VPS13B: variants seen among roughly 807,000 people sequenced by gnomAD.
The protein encoded by VPS13B is intermembrane lipid transfer protein VPS13B.
In VPS13B, 285 loss-of-function variants were observed where a neutral mutation model predicts 426.4. The ratio of observed to expected loss-of-function variants is 0.67; its 90% CI spans 0.61 to 0.74. The LOEUF (loss-of-function observed/expected upper bound fraction) is 0.74. VPS13B is among the 30% of genes least tolerant of loss of function. The pLI, the probability that VPS13B is intolerant of heterozygous loss-of-function variation, is 0.00. For synonymous variants in VPS13B, 1,676 were observed against 1,676.4 expected, an observed-to-expected ratio of 1.00 and a Z score of 0.01; for missense variants, 4,537 against 4,782.6, an observed-to-expected ratio of 0.95 and a Z score of 1.51.
intron 23 of VPS13B, among the ~76,000 whole-genome samples, chr8:99,447,679 T>C (rs906412592): frequency 6.6e-6 from 1 of 152,160 alleles, no homozygotes; most frequent in African/African-American, 2.4e-5. Context: ...AAGATATCAT[T>C]TGGTGTGTGT....
At chr8:99,854,476 A>T (rs182958858) in intron 56 of VPS13B, among the ~76,000 whole-genome samples, 3 of 152,148 alleles carry the variant, frequency 2.0e-5, no homozygotes, top group Non-Finnish European at 4.4e-5. Context: ...CCATTTCCTC[A>T]TCGATAAAAT....
chr8:99,392,053 A>T (rs1814477702), intron 21 of VPS13B, among the ~76,000 whole-genome samples: 3 of 152,188 alleles, frequency 2.0e-5, no homozygotes, highest in Admixed American at 2.0e-4. Flanking sequence ...CAGAAGCAGG[A>T]TCGTATTTCT....
At chr8:99,442,206 A>G (rs1457635250) in intron 22 of VPS13B, among the ~76,000 whole-genome samples, 195 bp from the exon 23 acceptor site, 1 of 152,170 alleles carries the variant, frequency 6.6e-6, no homozygotes, top group Non-Finnish European at 1.5e-5. Context: ...GTCACTAGGC[A>G]TTTTGTATCA....
At chr8:99,701,071 T>G (rs1176775209) in intron 36 of VPS13B, among the ~76,000 whole-genome samples, 1 of 152,204 alleles carries the variant, frequency 6.6e-6, no homozygotes, top group Non-Finnish European at 1.5e-5. Context: ...GGAAAAGTTT[T>G]ATAGTTGAGA....
At chr8:99,213,146 G>A (rs1303874860) in intron 17 of VPS13B, among the ~76,000 whole-genome samples, 2 of 152,082 alleles carry the variant, frequency 1.3e-5, no homozygotes, top group Non-Finnish European at 2.9e-5. Context: ...GGGTAATATG[G>A]CGTGTGTTTT....
At chr8:99,359,266 G>C (rs1812365087) in intron 19 of VPS13B, among the ~76,000 whole-genome samples, 1 of 152,026 alleles carries the variant, frequency 6.6e-6, no homozygotes, top group African/African-American at 2.4e-5. Context: ...TTTTATAACA[G>C]AGTATTTTCT....
intron 44 of VPS13B, 150 bp downstream of exon 44, chr8:99,809,680 C>G: frequency 3.2e-6 from 3 of 943,916 alleles, no homozygotes; most frequent in Admixed American, 4.5e-5. Flanking sequence ...AAATGCTTAT[C>G]TATGATCCTG....
intron 8 of VPS13B, among the ~76,000 whole-genome samples, chr8:99,123,174 G>A (rs1848035426): frequency 6.6e-6 from 1 of 150,704 alleles, no homozygotes; most frequent in Non-Finnish European, 1.5e-5. Flanking sequence ...GTGGGAAGAG[G>A]AATAGTGAGT....
intron 34 of VPS13B, among the ~76,000 whole-genome samples, chr8:99,648,962 C>G (rs1484871200): frequency 6.8e-6 from 1 of 146,016 alleles, no homozygotes; most frequent in Non-Finnish European, 1.5e-5. Context: ...TTTTTTTTTT[C>G]TCTCATTCCT....
intron 19 of VPS13B, among the ~76,000 whole-genome samples, chr8:99,315,339 T>C (rs1344025539): frequency 1.4e-3 from 8 of 5,790 alleles, no homozygotes; most frequent in African/African-American, 7.9e-3. Flanking sequence ...CTCTCTCTCT[T>C]TTTTTTTTTT....
intron 31 of VPS13B, among the ~76,000 whole-genome samples, chr8:99,559,258 A>AT (rs1184609142): frequency 1.3e-5 from 2 of 151,830 alleles, no homozygotes; most frequent in Admixed American, 1.3e-4. Flanking sequence ...GGGTTATTTG[A>AT]TTTTTTGTTG....
chr8:99,791,882 G>A (rs1324403105), intron 43 of VPS13B, among the ~76,000 whole-genome samples: 2 of 152,040 alleles, frequency 1.3e-5, no homozygotes, highest in Admixed American at 6.5e-5. Flanking sequence ...GCACAGGGGT[G>A]GCCTATCATC....
intron 40 of VPS13B, among the ~76,000 whole-genome samples, chr8:99,776,231 T>A (rs1008235716): frequency 1.3e-5 from 2 of 152,178 alleles, no homozygotes; most frequent in Non-Finnish European, 2.9e-5. Context: ...CCCGTAAGTT[T>A]TGTGAGATGT....
intron 3 of VPS13B, among the ~76,000 whole-genome samples, chr8:99,087,490 G>A (rs577959190): frequency 6.6e-6 from 1 of 151,932 alleles, no homozygotes; most frequent in African/African-American, 2.4e-5. Flanking sequence ...ACACTCCCCA[G>A]TGAGATGAAC....
At chr8:99,746,382 A>G (rs868743293) in intron 39 of VPS13B, among the ~76,000 whole-genome samples, 7 of 152,166 alleles carry the variant, frequency 4.6e-5, no homozygotes, top group South Asian at 4.1e-4. Flanking sequence ...AATATTTTAC[A>G]TGTGGTTTTA....
At chr8:99,325,246 C>T (rs1212125419) in intron 19 of VPS13B, among the ~76,000 whole-genome samples, 4 of 152,186 alleles carry the variant, frequency 2.6e-5, no homozygotes, top group South Asian at 2.1e-4. Flanking sequence ...CCACTGTGCT[C>T]GGCCAAGATT....
chr8:99,441,953 CAAT>C (rs1817701013), intron 22 of VPS13B, among the ~76,000 whole-genome samples: 1 of 151,916 alleles, frequency 6.6e-6, no homozygotes, highest in South Asian at 2.1e-4. Flanking sequence ...ATGTTTTAAA[CAAT>C]GTTTTCTTAT....
At position 99,474,737 on chromosome 8, in the gene VPS13B, G is replaced by A. The variant is rs75201782; in HGVS notation, c.3667-6862G>A. Among the ~76,000 whole-genome samples the A allele has an allele frequency of 1.9e-3, 289 of 152,168 alleles. 2 individuals are homozygous for A. The highest frequency in any genetic ancestry group is 5.9e-3 in the African/African-American group (245 of 41,524). On this transcript the variant is annotated intron_variant, in intron 24 of 61. Transcript: ENST00000357162. ...GACCAACTGGAACTCATCATACACC[G>A]CTTGTGAGAATGTAAAAATGATGTA... is the stretch of plus-strand genomic sequence containing the variant.
intron 19 of VPS13B, among the ~76,000 whole-genome samples, chr8:99,281,589 T>C (rs1166897168): frequency 6.6e-6 from 1 of 152,232 alleles, no homozygotes; most frequent in Non-Finnish European, 1.5e-5. Context: ...TCATCACCTC[T>C]GTGAGACTTG....
Sources: allele counts gnomAD v4.1 joint callset (sites outside exome capture counted in the v4.1 genomes callset), GRCh38; gene constraint gnomAD v4.1.1; transcripts MANE v1.5; gene names NCBI Gene and HGNC (gene_info 2026-07-23, HGNC 2026-07-21).